The following AGBL3 variants were observed in gnomAD, a reference collection of about 807,000 sequenced individuals.
AGBL3 encodes the protein AGBL carboxypeptidase 3, also known as cytosolic carboxypeptidase 3.
AGBL3 carries 68 observed loss-of-function variants against 94.5 expected under a neutral mutation model. The ratio of observed to expected loss-of-function variants is 0.72; its 90% CI spans 0.59 to 0.88. AGBL3 has a LOEUF of 0.88. Among genes scored for constraint, AGBL3 ranks in the 40% least tolerant of loss-of-function variants. The probability of loss-of-function intolerance (pLI) is 0.00; values close to 1 mark genes in which losing one functional copy is unlikely to be tolerated. For synonymous variants in AGBL3, 354 were observed against 370.7 expected, an observed-to-expected ratio of 0.95 and a Z score of 0.52; for missense variants, 934 against 1,103.8, an observed-to-expected ratio of 0.85 and a Z score of 2.18.
chr7:135,061,839 G>C (rs908010808), intron 12 of AGBL3, among the ~76,000 whole-genome samples: 5 of 152,040 alleles, frequency 3.3e-5, no homozygotes. Context: ...TGTTCATGTA[G>C]CTCAAGACTG....
At chr7:135,060,334 T>C (rs984745052) in intron 12 of AGBL3, among the ~76,000 whole-genome samples, 1 of 152,194 alleles carries the variant, frequency 6.6e-6, no homozygotes, top group African/African-American at 2.4e-5. Context: ...TATGTACACA[T>C]TGTGGAATGG....
chr7:135,106,184 C>T (rs1173278726), intron 15 of AGBL3, among the ~76,000 whole-genome samples: 1 of 152,156 alleles, frequency 6.6e-6, no homozygotes, highest in African/African-American at 2.4e-5. Flanking sequence ...CAGGCATAGT[C>T]TGAATTCCGC....
rs1260583815 is a variant in AGBL3, at chr7:135,034,743, C to G, written c.1152C>G (p.Asn384Lys). The G allele has an allele frequency of 6.4e-7, 1 of 1,551,016 alleles. No homozygotes were observed. The highest frequency in any genetic ancestry group is 1.4e-5 in the African/African-American group (1 of 73,006). Residue 384 changes from asparagine to lysine, a missense_variant, in exon 7 of 17, where the codon AAC becomes AAG. Asn to Lys is a moderately conservative substitution (Grantham distance 94). Around this residue, in one of 3 missense-constraint regions of AGBL3, gnomAD observed 488 missense variants for 563.6 expected, o/e 0.87. Coordinates refer to ENST00000436302, the MANE Select transcript of AGBL3 (RefSeq NM_178563.4). ...GCTTCCTAGATTATATTTTAGGAAA[C>G]TCAAGTGATGCACAGTTGCTTCGGG... is the stretch of plus-strand genomic sequence containing the variant. ...MKGFLDYILG[N>K]SSDAQLLRDT... is the part of the protein sequence containing the mutation.
chr7:134,987,035 A>C (rs1280058592), intron 1 of AGBL3, among the ~76,000 whole-genome samples: 1 of 152,276 alleles, frequency 6.6e-6, no homozygotes, highest in Non-Finnish European at 1.5e-5. Flanking sequence ...AATTTAGGCC[A>C]GTCGGATTTT....
chr7:135,055,162 C>G (rs1473219382), intron 11 of AGBL3, among the ~76,000 whole-genome samples: 1 of 152,172 alleles, frequency 6.6e-6, no homozygotes, highest in African/African-American at 2.4e-5. Context: ...GGGACCCACC[C>G]CCATGACCCA....
intron 5 of AGBL3, 85 bp from the exon 6 acceptor site, chr7:135,032,759 T>G: frequency 1.6e-6 from 2 of 1,281,646 alleles, no homozygotes; most frequent in Non-Finnish European, 2.1e-6. Context: ...TCCTTACACT[T>G]GTACTATTGC....
intron 11 of AGBL3, among the ~76,000 whole-genome samples, chr7:135,058,047 C>A (rs1469422527): frequency 6.6e-6 from 1 of 152,072 alleles, no homozygotes; most frequent in Non-Finnish European, 1.5e-5. Context: ...AGAATGTATA[C>A]CACAAGAGTA....
At chr7:135,121,876 T>A (rs1332135398) in intron 16 of AGBL3, among the ~76,000 whole-genome samples, 1 of 152,148 alleles carries the variant, frequency 6.6e-6, no homozygotes, top group African/African-American at 2.4e-5. Flanking sequence ...GGGGAAACCG[T>A]GCTTTTTCCA....
chr7:135,064,001 G>A (rs1413597412), intron 12 of AGBL3, among the ~76,000 whole-genome samples: 2 of 152,018 alleles, frequency 1.3e-5, no homozygotes, highest in African/African-American at 2.4e-5. Context: ...AGCCAGCTAG[G>A]GCATATTTTG....
At chr7:135,089,510 G>A (rs1202763095) in intron 15 of AGBL3, among the ~76,000 whole-genome samples, 2 of 152,140 alleles carry the variant, frequency 1.3e-5, no homozygotes, top group Non-Finnish European at 2.9e-5. Flanking sequence ...GGCTCTTGTA[G>A]GGAGACTTTC....
At chr7:135,111,297 T>C (rs1490288510) in intron 15 of AGBL3, among the ~76,000 whole-genome samples, 1 of 152,216 alleles carries the variant, frequency 6.6e-6, no homozygotes, top group African/African-American at 2.4e-5. Flanking sequence ...TTCCTCAAAA[T>C]ATAGCCAACA....
chr7:135,095,292 T>C (rs1411883448), intron 15 of AGBL3, among the ~76,000 whole-genome samples: 1 of 152,142 alleles, frequency 6.6e-6, no homozygotes, highest in Non-Finnish European at 1.5e-5. Flanking sequence ...CTCTCCCCCA[T>C]ACCTTACCAC....
chr7:134,989,371 A>G, intron 3 of AGBL3, 61 bp downstream of exon 3: 2 of 1,170,998 alleles, frequency 1.7e-6, no homozygotes, highest in South Asian at 1.5e-5. Flanking sequence ...AAAAAAGAAG[A>G]TGAGGAAACT....
intron 15 of AGBL3, among the ~76,000 whole-genome samples, chr7:135,097,427 G>T (rs1823069848): frequency 6.6e-6 from 1 of 152,034 alleles, no homozygotes; most frequent in South Asian, 2.1e-4. Context: ...TGAAACCAAA[G>T]AAAACATAAA....
intron 16 of AGBL3, among the ~76,000 whole-genome samples, chr7:135,134,001 A>T (rs947651257): frequency 6.6e-6 from 1 of 152,166 alleles, no homozygotes; most frequent in Admixed American, 6.5e-5. Context: ...TGATTCCTTT[A>T]TGCAACATTC....
At chr7:135,094,967 T>TG (rs908213970) in intron 15 of AGBL3, among the ~76,000 whole-genome samples, 17 of 152,322 alleles carry the variant, frequency 1.1e-4, no homozygotes, top group Middle Eastern at 3.4e-3. Flanking sequence ...CACAGATGTT[T>TG]GCAAAGGAAC....
In AGBL3 at chr7:135,130,262, T is replaced by C. The variant is rs542542797; in HGVS notation, c.2343-4579T>C. ...ACTGACTGGATGGTCCAGTGTCATTTTGACCTGCTTTTCAGAATGGAAATT... is the reference window on the plus strand; with the variant it reads ...ACTGACTGGATGGTCCAGTGTCATTCTGACCTGCTTTTCAGAATGGAAATT... On this transcript the variant is annotated intron_variant, in intron 16 of 16. Transcript: ENST00000436302. Among the ~76,000 whole-genome samples, 3 of 152,358 alleles carry C rather than the reference T, an allele frequency of 2.0e-5. No homozygotes were observed. In the East Asian group the frequency reaches 5.8e-4, roughly 29 times the overall value.
chr7:135,089,749 T>C (rs1455799399), intron 15 of AGBL3, among the ~76,000 whole-genome samples: 1 of 152,202 alleles, frequency 6.6e-6, no homozygotes, highest in Non-Finnish European at 1.5e-5. Context: ...TTCCCCATAG[T>C]GGGAAGACTT....
chr7:135,094,198 C>G, intron 15 of AGBL3: 1 of 352,794 alleles, frequency 2.8e-6, no homozygotes, highest in Non-Finnish European at 5.6e-6. Flanking sequence ...CTCGTTTTAG[C>G]TGCAACATGA....
Sources: allele counts gnomAD v4.1 joint callset (sites outside exome capture counted in the v4.1 genomes callset), GRCh38; gene constraint gnomAD v4.1.1; regional missense constraint gnomAD v4.1.1; transcripts MANE v1.5; gene names NCBI Gene and HGNC (gene_info 2026-07-23, HGNC 2026-07-21).